ESF1: variants seen among roughly 807,000 people sequenced by gnomAD.
ESF1 encodes ESF1 homolog.
A neutral mutation model predicts 92.0 loss-of-function variants in ESF1; 58 were observed. That is an observed-to-expected ratio of 0.63 (90% CI 0.51 to 0.78). ESF1 has a LOEUF of 0.78. Ranked by LOEUF, ESF1 falls within the 30% of genes least tolerant of loss-of-function variation. ESF1 has a pLI of 0.00. For missense variants in ESF1, 922 were observed against 989.1 expected (o/e 0.93, Z 0.91); for synonymous variants, 321 against 313.7 (o/e 1.02, Z -0.24).
At chr20:13,721,108 G>A (rs1005293997) in intron 11 of ESF1, among the ~76,000 whole-genome samples, 5 of 152,268 alleles carry the variant, frequency 3.3e-5, no homozygotes, top group African/African-American at 1.2e-4. Context: ...GGGCAACAGA[G>A]CGAGACTCTG....
intron 9 of ESF1, 71 bp from the exon 10 acceptor site, chr20:13,733,913 T>C (rs574580823): frequency 1.3e-5 from 19 of 1,478,490 alleles, no homozygotes; most frequent in Non-Finnish European, 1.7e-5. Flanking sequence ...ATATAATTTA[T>C]AAAGACAAAT....
chr20:13,759,893 C>G (rs746872170), intron 8 of ESF1, 40 bp from the exon 9 acceptor site: 41 of 1,550,952 alleles, frequency 2.6e-5, no homozygotes, highest in Non-Finnish European at 3.5e-5. Flanking sequence ...AGAAACAATT[C>G]ATTTCTAACT....
At chr20:13,751,031 G>T (rs566883468) in intron 9 of ESF1, among the ~76,000 whole-genome samples, 3 of 152,092 alleles carry the variant, frequency 2.0e-5, no homozygotes, top group East Asian at 1.9e-4. Context: ...ACTCAAAAAC[G>T]TATCTGTGAG....
At chr20:13,728,854 G>A (rs754956108) in intron 10 of ESF1, among the ~76,000 whole-genome samples, 27 of 150,098 alleles carry the variant, frequency 1.8e-4, no homozygotes, top group Non-Finnish European at 3.7e-4. Flanking sequence ...GCAACAGAGC[G>A]AGACTCCATC....
chr20:13,773,295 AC>A lies in ESF1; in HGVS notation c.1150-681del, dbSNP rs538924175. 5.3e-5 allele frequency among the ~76,000 whole-genome samples: 8 copies of A among 152,354 alleles called. No individual in the cohort carries two copies. The South Asian group carries it at 1.7e-3, about 32-fold the overall frequency. On this transcript the variant is annotated intron_variant, in intron 4 of 13. Coordinates refer to ENST00000617257, the MANE Select transcript of ESF1 (RefSeq NM_001276380.2). The stretch of plus-strand genomic sequence containing the variant: ...ACTGTCTGAAATATGCAATTTATCA[AC>A]AAGATGATCCAAGTTTTTCTTACTA...
intron 5 of ESF1, 80 bp from the exon 6 acceptor site, chr20:13,771,563 A>C (rs957852838): frequency 8.3e-7 from 1 of 1,202,934 alleles, no homozygotes; most frequent in Non-Finnish European, 1.2e-6. Context: ...TAATTCTTTC[A>C]AGAAAAACAT....
intron 9 of ESF1, among the ~76,000 whole-genome samples, chr20:13,736,106 C>T (rs1003490482): frequency 6.6e-6 from 1 of 152,100 alleles, no homozygotes; most frequent in African/African-American, 2.4e-5. Context: ...AACTTTGAAG[C>T]TTAACAGCAT....
At chr20:13,766,132 G>A (rs1979416102) in intron 8 of ESF1, among the ~76,000 whole-genome samples, 1 of 151,962 alleles carries the variant, frequency 6.6e-6, no homozygotes, top group Non-Finnish European at 1.5e-5. Context: ...TAAGAGTAGA[G>A]ATAGGCAAGA....
intron 6 of ESF1, among the ~76,000 whole-genome samples, chr20:13,770,376 T>C (rs535119735): frequency 6.6e-6 from 1 of 152,348 alleles, no homozygotes; most frequent in Admixed American, 6.5e-5. Flanking sequence ...ATGATTTTGT[T>C]GTTGTTTTTA....
intron 9 of ESF1, among the ~76,000 whole-genome samples, chr20:13,751,582 A>G (rs757984051): frequency 2.0e-5 from 3 of 152,208 alleles, no homozygotes; most frequent in South Asian, 2.1e-4. Context: ...GTGGGGGGGA[A>G]CCAGATCAAT....
At chr20:13,745,386 A>G (rs1385952647) in intron 9 of ESF1, among the ~76,000 whole-genome samples, 1 of 152,244 alleles carries the variant, frequency 6.6e-6, no homozygotes, top group Admixed American at 6.5e-5. Flanking sequence ...CTCTGTAGCC[A>G]TGAAAATGAA....
At chr20:13,758,663 G>T (rs1979013082) in intron 9 of ESF1, among the ~76,000 whole-genome samples, 2 of 152,132 alleles carry the variant, frequency 1.3e-5, no homozygotes, top group African/African-American at 4.8e-5. Context: ...TCCTACAACT[G>T]GTTAGTACTC....
intron 8 of ESF1, among the ~76,000 whole-genome samples, chr20:13,766,433 G>A (rs949466198): frequency 5.3e-5 from 8 of 152,096 alleles, no homozygotes; most frequent in African/African-American, 1.4e-4. Flanking sequence ...AAAATGGAAC[G>A]TAAAAATATT....
At position 13,772,593 on chromosome 20, in the gene ESF1, T is replaced by C; in HGVS notation, c.1172A>G (p.Lys391Arg). 3 of 1,612,152 alleles carry C rather than the reference T, an allele frequency of 1.9e-6. No homozygotes were observed. Among genetic ancestry groups the C allele is most frequent in the African/African-American group, 2.7e-5 (2 of 74,998 alleles). ...SVKIYPSEFG[K>R]ERMKEEQVQG... ...AACTTGCTCTTCCTTCATCCTCTCC[T>C]TTCCAAATTCTGAAGGATATATCTA... The change falls in exon 5 of 14, where the codon AAG (lysine) becomes AGG (arginine). Residue 391 changes from lysine to arginine, a missense_variant. Physicochemically the swap from Lys to Arg is conservative, Grantham distance 26. Transcript: ENST00000617257.
chr20:13,717,493 T>C lies in ESF1; in HGVS notation c.2137A>G (p.Met713Val), dbSNP rs1568706717. The C allele has an allele frequency of 3.7e-6, 6 of 1,613,890 alleles. No individual in the cohort carries two copies. The highest frequency in any genetic ancestry group is 5.1e-6 in the Non-Finnish European group (6 of 1,180,028). ...RQKAEMALLM[M>V]DEDEDSKKHF... Reference sequence around the variant, plus strand: ...TTCTTACTGTCCTCGTCCTCATCCATCATAAGCAAAGCCATTTCAGCCTGT... The same window carrying C: ...TTCTTACTGTCCTCGTCCTCATCCACCATAAGCAAAGCCATTTCAGCCTGT... Residue 713 changes from methionine (M) to valine (V), a missense_variant, in exon 13 of 14, where the codon ATG becomes GTG. Transcript: ENST00000617257.
At chr20:13,782,323 T>A (rs1239100319) in intron 2 of ESF1, among the ~76,000 whole-genome samples, 181 bp downstream of exon 2, 1 of 152,258 alleles carries the variant, frequency 6.6e-6, no homozygotes, top group African/African-American at 2.4e-5. Context: ...GTCTGTCTTC[T>A]AGCACCACAT....
intron 9 of ESF1, among the ~76,000 whole-genome samples, chr20:13,747,456 G>A (rs1188926149): frequency 2.0e-5 from 3 of 151,954 alleles, no homozygotes; most frequent in African/African-American, 7.3e-5. Context: ...CTACTCGTGA[G>A]GCAGAGGCAG....
At chr20:13,774,302 G>T (rs1979826524) in intron 4 of ESF1, among the ~76,000 whole-genome samples, 1 of 139,840 alleles carries the variant, frequency 7.2e-6, no homozygotes, top group Admixed American at 7.3e-5. Context: ...CTTTTTGACT[G>T]TCAACGTGAG....
chr20:13,761,323 T>C (rs1375013619), intron 8 of ESF1, among the ~76,000 whole-genome samples: 1 of 151,134 alleles, frequency 6.6e-6, no homozygotes, highest in Admixed American at 6.6e-5. Flanking sequence ...CCTCCACTAT[T>C]GTCCTATGAC....
Sources: allele counts gnomAD v4.1 joint callset (sites outside exome capture counted in the v4.1 genomes callset), GRCh38; gene constraint gnomAD v4.1.1; transcripts MANE v1.5; gene names NCBI Gene and HGNC (gene_info 2026-07-23, HGNC 2026-07-21).